SLC24A4: variants seen among roughly 807,000 people sequenced by gnomAD.
SLC24A4 encodes the protein sodium/potassium/calcium exchanger 4.
Under a neutral mutation model 79.0 loss-of-function variants are expected in SLC24A4, and 53 were observed. That is an observed-to-expected ratio of 0.67 (90% CI 0.54 to 0.84). The LOEUF (loss-of-function observed/expected upper bound fraction) is 0.84. Ranked by LOEUF, SLC24A4 falls within the 40% of genes least tolerant of loss-of-function variation. The pLI, the probability that SLC24A4 is intolerant of heterozygous loss-of-function variation, is 0.00. For synonymous variants in SLC24A4, 323 were observed against 323.8 expected (o/e 1.00, Z 0.03); for missense variants, 731 against 822.0 (o/e 0.89, Z 1.35).
chr14:92,449,651 G>C (rs1286193078), intron 10 of SLC24A4, among the ~76,000 whole-genome samples: 1 of 152,178 alleles, frequency 6.6e-6, no homozygotes, highest in East Asian at 1.9e-4. Flanking sequence ...ACCCAGTCCT[G>C]GATGGAGAAC....
chr14:92,367,246 A>C (rs886300804), intron 2 of SLC24A4, among the ~76,000 whole-genome samples: 4 of 152,150 alleles, frequency 2.6e-5, no homozygotes, highest in Non-Finnish European at 4.4e-5. Flanking sequence ...GAGGCTAGAG[A>C]CCGGGGCTTA....
Position 92,325,916 on chromosome 14 carries a change from G to A in SLC24A4, c.179G>A (p.Arg60Lys). 1 of 1,612,972 alleles carries A rather than the reference G, an allele frequency of 6.2e-7. No homozygotes were observed. The highest frequency in any genetic ancestry group is 8.5e-7 in the Non-Finnish European group (1 of 1,179,542). ...ASKRVLPDTWRNRKLMAPVNG... is the reference protein window; with the variant it reads ...ASKRVLPDTWKNRKLMAPVNG... ...AAACGTGTCCTGCCAGACACGTGGA[G>A]AAATAGAAAGTTGATGGCCCCAGTG... The change falls in exon 2 of 17, where the codon AGA becomes AAA. Residue 60 changes from arginine (R) to lysine (K), a missense_variant. Transcript: ENST00000532405.
intron 12 of SLC24A4, among the ~76,000 whole-genome samples, chr14:92,463,818 G>A (rs936889920): frequency 2.7e-5 from 4 of 150,062 alleles, no homozygotes; most frequent in African/African-American, 4.9e-5. Context: ...CTCCTCCCCC[G>A]ACCCCCTAGC....
intron 12 of SLC24A4, among the ~76,000 whole-genome samples, chr14:92,463,137 A>C (rs1893909166): frequency 6.6e-6 from 1 of 152,080 alleles, no homozygotes; most frequent in African/African-American, 2.4e-5. Context: ...ATTATAGCAA[A>C]ACCCGGAACA....
At chr14:92,381,732 T>C (rs1888862594) in intron 2 of SLC24A4, among the ~76,000 whole-genome samples, 1 of 151,430 alleles carries the variant, frequency 6.6e-6, no homozygotes, top group Admixed American at 6.6e-5. Context: ...TTCTCAGCCA[T>C]GCCTGCACAT....
chr14:92,357,643 CA>C (rs1270918104), intron 2 of SLC24A4, among the ~76,000 whole-genome samples: 2 of 152,148 alleles, frequency 1.3e-5, no homozygotes, highest in African/African-American at 2.4e-5. Context: ...CTAGAGCAGT[CA>C]AATTCTGAGA....
At chr14:92,344,853 G>T (rs963874680) in intron 2 of SLC24A4, among the ~76,000 whole-genome samples, 2 of 152,182 alleles carry the variant, frequency 1.3e-5, no homozygotes, top group Non-Finnish European at 2.9e-5. Context: ...TGGAGCCAGT[G>T]TGCTCCATCT....
chr14:92,360,053 A>G (rs12897581), intron 2 of SLC24A4, among the ~76,000 whole-genome samples: 137,217 of 152,170 alleles, frequency 0.9, 63,028 homozygotes, highest in East Asian at 1. Context: ...CAAGTAGCTA[A>G]GATTATAGGT....
intron 3 of SLC24A4, among the ~76,000 whole-genome samples, chr14:92,436,698 G>C (rs976398468): frequency 6.6e-6 from 1 of 152,154 alleles, no homozygotes; most frequent in African/African-American, 2.4e-5. Context: ...GCAGTGCTCC[G>C]TGACCCAGGA....
chr14:92,474,439 A>C (rs913305042), intron 12 of SLC24A4, among the ~76,000 whole-genome samples: 1 of 152,056 alleles, frequency 6.6e-6, no homozygotes, highest in Non-Finnish European at 1.5e-5. Flanking sequence ...CAAGCCAGAC[A>C]TTGAGAGCTT....
At chr14:92,361,048 A>G (rs1887481449) in intron 2 of SLC24A4, among the ~76,000 whole-genome samples, 2 of 152,234 alleles carry the variant, frequency 1.3e-5, no homozygotes, top group Non-Finnish European at 2.9e-5. Flanking sequence ...CCATCCTCTC[A>G]GCGAGCACCC....
intron 1 of SLC24A4, among the ~76,000 whole-genome samples, chr14:92,324,784 A>C (rs570083133): frequency 2.0e-5 from 3 of 152,354 alleles, no homozygotes; most frequent in African/African-American, 7.2e-5. Context: ...GTAAAAAGAC[A>C]AAAGAAATGC....
At chr14:92,385,859 GA>G (rs1357075086) in intron 2 of SLC24A4, among the ~76,000 whole-genome samples, 1 of 152,212 alleles carries the variant, frequency 6.6e-6, no homozygotes, top group Non-Finnish European at 1.5e-5. Context: ...TGCTCTTCTT[GA>G]ATTTGATGTC....
chr14:92,442,204 G>T, intron 5 of SLC24A4, 31 bp downstream of exon 5: 1 of 1,575,858 alleles, frequency 6.3e-7, no homozygotes, highest in Non-Finnish European at 8.7e-7. Flanking sequence ...TGAGACACAG[G>T]ATCTAGAGAG....
chr14:92,480,756 T>A (rs538774258), intron 12 of SLC24A4, among the ~76,000 whole-genome samples: 1 of 152,322 alleles, frequency 6.6e-6, no homozygotes, highest in African/African-American at 2.4e-5. Context: ...GTATGTTATT[T>A]CATTTCCCAT....
intron 2 of SLC24A4, among the ~76,000 whole-genome samples, chr14:92,412,180 A>G (rs969480570): frequency 2.0e-5 from 3 of 152,170 alleles, no homozygotes; most frequent in Admixed American, 6.5e-5. Context: ...AAGGTCTAGC[A>G]AAATTCCTGG....
chr14:92,396,143 T>C (rs1595215073), intron 2 of SLC24A4, among the ~76,000 whole-genome samples: 1 of 152,364 alleles, frequency 6.6e-6, no homozygotes, highest in Non-Finnish European at 1.5e-5. Context: ...TTTTAATTGC[T>C]GCTCTTCTTG....
intron 2 of SLC24A4, among the ~76,000 whole-genome samples, chr14:92,362,485 G>A (rs1337303321): frequency 6.6e-6 from 1 of 152,176 alleles, no homozygotes; most frequent in African/African-American, 2.4e-5. Flanking sequence ...GGCAGGTGTG[G>A]GTTGAACTGA....
intron 14 of SLC24A4, among the ~76,000 whole-genome samples, chr14:92,488,841 C>CA (rs1282273290): frequency 6.6e-6 from 1 of 152,174 alleles, no homozygotes; most frequent in Non-Finnish European, 1.5e-5. Context: ...AGTGGAAGGT[C>CA]AAGGGACAAG....
Sources: allele counts gnomAD v4.1 joint callset (sites outside exome capture counted in the v4.1 genomes callset), GRCh38; gene constraint gnomAD v4.1.1; transcripts MANE v1.5; gene names NCBI Gene and HGNC (gene_info 2026-07-23, HGNC 2026-07-21).